The following GALNT16 variants were observed in gnomAD, a reference collection of about 807,000 sequenced individuals.
GALNT16 encodes the protein UDP-GalNAc:polypeptide N-acetylgalactosaminyltransferase-like protein 1.
In GALNT16, 40 loss-of-function variants were observed where a neutral mutation model predicts 76.1. That is an observed-to-expected ratio of 0.53 (90% CI 0.41 to 0.68). GALNT16 has a LOEUF of 0.68. Ranked by LOEUF, GALNT16 falls within the 30% of genes least tolerant of loss-of-function variation. GALNT16 has a pLI of 0.00. For synonymous variants in GALNT16, 276 were observed against 285.2 expected, an observed-to-expected ratio of 0.97 and a Z score of 0.32; for missense variants, 621 against 731.9, an observed-to-expected ratio of 0.85 and a Z score of 1.75.
intron 12 of GALNT16, among the ~76,000 whole-genome samples, chr14:69,344,036 A>G (rs193120224): frequency 1.2e-4 from 18 of 152,320 alleles, no homozygotes; most frequent in African/African-American, 2.9e-4. Context: ...GAGTGGATCA[A>G]TTTGCTGATT....
At chr14:69,378,395 A>T in the GALNT16 span, among the ~76,000 whole-genome samples, 1 of 152,234 alleles carries the variant, frequency 6.6e-6, no homozygotes, top group African/African-American at 2.4e-5. Flanking sequence ...TCACTTAATA[A>T]GCGGAAATCA....
At chr14:69,312,372 G>A (rs1782075283) in intron 1 of GALNT16, among the ~76,000 whole-genome samples, 1 of 152,222 alleles carries the variant, frequency 6.6e-6, no homozygotes, top group Admixed American at 6.5e-5. Context: ...GACTACAGCA[G>A]AAGTGGCACC....
At position 69,290,416 on chromosome 14, in the gene GALNT16, A is replaced by G. The variant is rs373708808; in HGVS notation, c.177+29949A>G. 1.6e-3 allele frequency among the ~76,000 whole-genome samples: 244 copies of G among 152,370 alleles called. 1 individual carries two copies. Among genetic ancestry groups the G allele is most frequent in the Non-Finnish European group, 2.7e-3 (185 of 68,038 alleles). On this transcript the variant is annotated intron_variant, in intron 1 of 14. Transcript: ENST00000448469. ...TCAGAATTGAACCCAGGCTGCCTGC[A>G]GCTGGGAACAGCACGGCAGGGACAG...
At chr14:69,371,399 AC>A in the GALNT16 span, among the ~76,000 whole-genome samples, 1 of 151,384 alleles carries the variant, frequency 6.6e-6, no homozygotes, top group African/African-American at 2.4e-5. Flanking sequence ...GATTACAGGC[AC>A]GCACCACCAC....
In GALNT16 at chr14:69,333,151, A is replaced by G; in HGVS notation, c.845A>G (p.Asp282Gly). ...CTTGAGCAGAAGATGACCCGGACAG[A>G]CCCCACCAGGCCCATAAGGTCAGAG... ...IPLEQKMTRT[D>G]PTRPIRTPVI... is the part of the protein sequence containing the mutation. The change falls in exon 8 of 15, where the codon GAC (aspartate) becomes GGC (glycine). Residue 282 changes from aspartate (D) to glycine (G), a missense_variant. Coordinates refer to ENST00000448469, the MANE Select transcript of GALNT16 (RefSeq NM_001168368.2). This position sits in a 1 kb window ranked among gnomAD's most constrained non-coding sequence, Gnocchi z 4.2. 1 of 1,612,080 alleles carries G rather than the reference A, an allele frequency of 6.2e-7. No individual in the cohort carries two copies. The highest frequency in any genetic ancestry group is 8.5e-7 in the Non-Finnish European group (1 of 1,178,550).
At chr14:69,280,032 T>C (rs1001900882) in intron 1 of GALNT16, among the ~76,000 whole-genome samples, 10 of 152,254 alleles carry the variant, frequency 6.6e-5, no homozygotes, top group African/African-American at 2.2e-4. Context: ...TGTATTGTAG[T>C]AAAATACATA....
chr14:69,295,719 CA>C (rs922727871), intron 1 of GALNT16, among the ~76,000 whole-genome samples: 3 of 151,672 alleles, frequency 2.0e-5, no homozygotes, highest in South Asian at 4.2e-4. Flanking sequence ...GACTCCATCT[CA>C]AAAAAAATTA....
rs72722192 is a variant in GALNT16 at position 69,348,056 on chromosome 14, C to T, written c.1539+54C>T. ...CCCAGCAGCCCGAGGGGCCATGCCT[C>T]AGGGTGGCAGACCTTGGCAGGAGAG... On this transcript the variant is annotated intron_variant, in intron 14 of 14. Coordinates refer to ENST00000448469, the MANE Select transcript of GALNT16 (RefSeq NM_001168368.2). 2.5e-3 allele frequency: 3,989 copies of T among 1,592,706 alleles called. 7 individuals carry two copies. Among genetic ancestry groups the T allele is most frequent in the Non-Finnish European group, 2.9e-3 (3,383 of 1,162,274 alleles).
At chr14:69,371,469 G>T in the GALNT16 span, among the ~76,000 whole-genome samples, 1 of 151,138 alleles carries the variant, frequency 6.6e-6, no homozygotes, top group Non-Finnish European at 1.5e-5. Context: ...TGTCAGCCAG[G>T]ATGGTCTCGG....
At chr14:69,325,043 C>T (rs1448932525) in intron 3 of GALNT16, among the ~76,000 whole-genome samples, 1 of 152,172 alleles carries the variant, frequency 6.6e-6, no homozygotes, top group Non-Finnish European at 1.5e-5. Flanking sequence ...CTGAGGGAGG[C>T]CGGGCTAGAC....
intron 1 of GALNT16, among the ~76,000 whole-genome samples, chr14:69,302,487 T>C (rs1422166293): frequency 6.6e-6 from 1 of 152,240 alleles, no homozygotes; most frequent in Non-Finnish European, 1.5e-5. Context: ...TGTCTCCTGT[T>C]GTTAGTTTTC....
chr14:69,351,833 A>G, intron 14 of GALNT16, 198 bp from the exon 15 acceptor site: 1 of 524,488 alleles, frequency 1.9e-6, no homozygotes, highest in Non-Finnish European at 3.4e-6. Flanking sequence ...GATTGCTTGA[A>G]CTCAGGAGTT....
At chr14:69,281,841 G>T (rs61980298) in intron 1 of GALNT16, among the ~76,000 whole-genome samples, 1 of 152,248 alleles carries the variant, frequency 6.6e-6, no homozygotes, top group African/African-American at 2.4e-5. Context: ...CTGCCCGAGG[G>T]TGGGTGCTGG....
At chr14:69,380,410 ACAGT>A in the GALNT16 span, 2 of 519,412 alleles carry the variant, frequency 3.9e-6, no homozygotes, top group Non-Finnish European at 7.0e-6. Context: ...TTCATCTAAT[ACAGT>A]CAATCTTGGC....
intron 1 of GALNT16, among the ~76,000 whole-genome samples, chr14:69,312,077 CT>C (rs2045033253): frequency 6.6e-6 from 1 of 150,630 alleles, no homozygotes; most frequent in African/African-American, 2.4e-5. Context: ...ATCTATCTAT[CT>C]ATCTATCTAT....
intron 1 of GALNT16, among the ~76,000 whole-genome samples, chr14:69,316,038 A>T (rs1396883617): frequency 6.6e-6 from 1 of 152,202 alleles, no homozygotes. Context: ...TCCTGAACCA[A>T]TCACTGTGTC....
chr14:69,273,884 C>A (rs1216476250), intron 1 of GALNT16, among the ~76,000 whole-genome samples: 2 of 152,156 alleles, frequency 1.3e-5, no homozygotes, highest in Non-Finnish European at 2.9e-5. Context: ...GGGGTTGGCT[C>A]TTTTTCTGTC....
chr14:69,351,860 T>C, intron 14 of GALNT16, 171 bp from the exon 15 acceptor site: 1 of 592,602 alleles, frequency 1.7e-6, no homozygotes. Context: ...TGCAGTGAGC[T>C]GTGGTAGCAC....
At chr14:69,297,548 T>C (rs1356448993) in intron 1 of GALNT16, among the ~76,000 whole-genome samples, 1 of 152,048 alleles carries the variant, frequency 6.6e-6, no homozygotes, top group Non-Finnish European at 1.5e-5. Flanking sequence ...TGGTTTTTAG[T>C]ACTTAGCTCA....
Sources: gnomAD v4.1 joint callset for allele counts (sites outside exome capture counted in the v4.1 genomes callset) on GRCh38, gnomAD v4.1.1 for gene constraint, Gnocchi (gnomAD v3.1) non-coding constraint, MANE v1.5 for transcripts, NCBI Gene and HGNC (gene_info 2026-07-23, HGNC 2026-07-21) for gene names.